DAB1: variants seen among roughly 807,000 people sequenced by gnomAD.
The protein encoded by DAB1 is disabled homolog 1.
In DAB1, 15 loss-of-function variants were observed where a neutral mutation model predicts 64.6. The observed-to-expected ratio is 0.23, with a 90% CI of 0.16 to 0.36. The LOEUF (loss-of-function observed/expected upper bound fraction) is 0.36. DAB1 is among the 10% of genes least tolerant of loss of function. DAB1 has a pLI of 1.00. For missense variants in DAB1, 596 were observed against 706.7 expected, an observed-to-expected ratio of 0.84 and a Z score of 1.78; for synonymous variants, 235 against 251.9, an observed-to-expected ratio of 0.93 and a Z score of 0.64.
At chr1:57,381,074 T>A (rs1208560694) in intron 1 of DAB1, among the ~76,000 whole-genome samples, 1 of 152,266 alleles carries the variant, frequency 6.6e-6, no homozygotes, top group East Asian at 1.9e-4. Flanking sequence ...TACAACCTCA[T>A]GTTTCCCTGT....
At chr1:58,003,121 T>C (rs1646531264) in intron 5 of DAB1, among the ~76,000 whole-genome samples, 1 of 152,196 alleles carries the variant, frequency 6.6e-6, no homozygotes, top group African/African-American at 2.4e-5. Flanking sequence ...GCCTGGTCTA[T>C]GAAACAGGGG....
chr1:58,208,391 C>T (rs1284894814), intron 4 of DAB1, among the ~76,000 whole-genome samples: 1 of 152,186 alleles, frequency 6.6e-6, no homozygotes, highest in Admixed American at 6.5e-5. Flanking sequence ...GTGCACCCAT[C>T]ACCTGAGCAG....
In DAB1 at chr1:58,117,842, G is replaced by T. The variant is rs200132574; in HGVS notation, n.387+32669C>A. Among the ~76,000 whole-genome samples the T allele has an allele frequency of 2.2e-3, 318 of 145,686 alleles. 7 individuals are homozygous for T. The East Asian group carries it at 0.043, about 19-fold the overall frequency. ...CCCTAAAGACCAGATATCATGCTTT[G>T]TTTTTTTTTTTATATTTTTTTTAAT... On this transcript the variant is annotated intron_variant and non_coding_transcript_variant, in intron 5 of 20. Transcript: ENST00000485760.
chr1:58,063,182 A>G (rs953356350), intron 5 of DAB1, among the ~76,000 whole-genome samples: 3 of 152,186 alleles, frequency 2.0e-5, no homozygotes, highest in Admixed American at 2.0e-4. Context: ...CAAAATAATT[A>G]CAGAAAATAA....
At chr1:57,423,523 G>A (rs1685094434) in intron 1 of DAB1, among the ~76,000 whole-genome samples, 2 of 152,158 alleles carry the variant, frequency 1.3e-5, no homozygotes, top group South Asian at 4.1e-4. Context: ...AGTTTCGGGA[G>A]CCCAGGACAG....
At chr1:57,078,436 A>C (rs1652187936) in intron 4 of DAB1, among the ~76,000 whole-genome samples, 3 of 152,202 alleles carry the variant, frequency 2.0e-5, no homozygotes, top group African/African-American at 7.2e-5. Context: ...ATGGGAACCC[A>C]AAATGCTATT....
intron 3 of DAB1, among the ~76,000 whole-genome samples, chr1:58,439,533 G>A (rs1367630161): frequency 6.6e-6 from 1 of 152,182 alleles, no homozygotes; most frequent in Non-Finnish European, 1.5e-5. Flanking sequence ...GTGTTATTCA[G>A]TGCCTGGTAA....
chr1:57,697,348 A>ATCGAAAAT, intron 6 of DAB1, among the ~76,000 whole-genome samples: 1 of 151,324 alleles, frequency 6.6e-6, no homozygotes, highest in Non-Finnish European at 1.5e-5. Context: ...CACTAGCAGA[A>ATCGAAAAT]TCGAAAATAA....
Position 57,245,203 on chromosome 1 carries a change from T to C in DAB1, c.67+45761A>G, listed in dbSNP as rs1668774083. On this transcript the variant is annotated intron_variant, in intron 2 of 14. Transcript: ENST00000371236. ...TTTGCTATACTTTGGCACAGATTGG[T>C]GGCATTTTGCCCCTGCCCTAGAAAT... is the stretch of plus-strand genomic sequence containing the variant. 2.6e-5 allele frequency among the ~76,000 whole-genome samples: 4 copies of C among 152,210 alleles called. No individual in the cohort carries two copies. In the South Asian group the frequency reaches 8.3e-4, roughly 32 times the overall value.
intron 6 of DAB1, among the ~76,000 whole-genome samples, chr1:57,732,185 A>G (rs1283596470): frequency 6.6e-6 from 1 of 152,106 alleles, no homozygotes; most frequent in Non-Finnish European, 1.5e-5. Context: ...TTGTGGGGGT[A>G]TCATGCAGGT....
At chr1:57,406,665 C>T (rs1442698424) in intron 1 of DAB1, among the ~76,000 whole-genome samples, 1 of 152,202 alleles carries the variant, frequency 6.6e-6, no homozygotes, top group Admixed American at 6.5e-5. Flanking sequence ...TTTGACAGAT[C>T]TCAGAGACCC....
At chr1:57,546,744 T>C (rs896982192) in intron 7 of DAB1, among the ~76,000 whole-genome samples, 11 of 152,158 alleles carry the variant, frequency 7.2e-5, no homozygotes, top group African/African-American at 2.7e-4. Context: ...GGCTACACCA[T>C]CTAGGTTTGT....
At chr1:58,427,227 G>C (rs913625621) in intron 3 of DAB1, among the ~76,000 whole-genome samples, 5 of 152,012 alleles carry the variant, frequency 3.3e-5, no homozygotes, top group African/African-American at 1.2e-4. Context: ...AGATGCAGTA[G>C]AGTGAGGAGG....
chr1:57,580,075 G>C (rs1645295509), intron 7 of DAB1, among the ~76,000 whole-genome samples: 2 of 151,986 alleles, frequency 1.3e-5, no homozygotes, highest in Non-Finnish European at 2.9e-5. Context: ...AACGTGCTCT[G>C]TAGCACAGCG....
In DAB1 at chr1:57,786,713, T is replaced by C. The variant is rs192262947; in HGVS notation, n.551+97286A>G. 1.7e-4 allele frequency among the ~76,000 whole-genome samples: 26 copies of C among 152,230 alleles called. No individual in the cohort carries two copies. The East Asian group carries it at 5.0e-3, about 29-fold the overall frequency. On this transcript the variant is annotated intron_variant and non_coding_transcript_variant, in intron 6 of 20. Coordinates refer to the DAB1 transcript ENST00000485760. ...AAGCCCGTCAGTGGTAGAGTGAGGC[T>C]TCAAACCCAGGCAGCCTAACTCTAG...
intron 6 of DAB1, among the ~76,000 whole-genome samples, chr1:57,739,473 T>TCCCCTCCCCTTCCCTCCCCTCCCCC (rs1647870512): frequency 2.7e-5 from 1 of 36,748 alleles, no homozygotes; most frequent in Non-Finnish European, 4.7e-5. Flanking sequence ...TCCCCTCCCC[T>TCCCCTCCCCTTCCCTCCCCTCCCCC]CCCCTCCCCT....
At chr1:57,286,365 A>C (rs1672315775) in intron 2 of DAB1, among the ~76,000 whole-genome samples, 1 of 151,366 alleles carries the variant, frequency 6.6e-6, no homozygotes, top group African/African-American at 2.5e-5. Flanking sequence ...AAGAGGGGGA[A>C]AAAAAACACT....
intron 7 of DAB1, among the ~76,000 whole-genome samples, chr1:57,580,540 T>C (rs2101550180): frequency 6.6e-6 from 1 of 152,214 alleles, no homozygotes; most frequent in South Asian, 2.1e-4. Flanking sequence ...TTCTCCATCC[T>C]TGGGTTTGCC....
At chr1:57,037,998 T>G (rs1363686633) in intron 9 of DAB1, among the ~76,000 whole-genome samples, 1 of 152,228 alleles carries the variant, frequency 6.6e-6, no homozygotes, top group African/African-American at 2.4e-5. Context: ...TGAACTAAAT[T>G]TTAAATTTTA....
Sources: gnomAD v4.1 joint callset for allele counts (sites outside exome capture counted in the v4.1 genomes callset) on GRCh38, gnomAD v4.1.1 for gene constraint, MANE v1.5 for transcripts, NCBI Gene and HGNC (gene_info 2026-07-23, HGNC 2026-07-21) for gene names.